The following ST6GALNAC3 variants were observed in gnomAD, a reference collection of about 807,000 sequenced individuals.
The protein encoded by ST6GALNAC3 is ST6 N-acetylgalactosaminide alpha-2,6-sialyltransferase 3.
A neutral mutation model predicts 32.7 loss-of-function variants in ST6GALNAC3; 25 were observed. The observed-to-expected ratio is 0.76, with a 90% CI of 0.56 to 1.07. The LOEUF is 1.07. Ranked by LOEUF, ST6GALNAC3 falls within the 50% of genes least tolerant of loss-of-function variation. ST6GALNAC3 has a pLI of 0.00. For synonymous variants in ST6GALNAC3, 129 were observed against 133.1 expected, an observed-to-expected ratio of 0.97 and a Z score of 0.21; for missense variants, 355 against 382.4, an observed-to-expected ratio of 0.93 and a Z score of 0.60.
At chr1:76,183,894 T>C (rs1381915778) in intron 1 of ST6GALNAC3, among the ~76,000 whole-genome samples, 1 of 121,990 alleles carries the variant, frequency 8.2e-6, no homozygotes, top group Non-Finnish European at 1.7e-5. Context: ...GAATATGTTA[T>C]ATATTTGTTA....
rs1231883460 is a variant in ST6GALNAC3, at chr1:76,630,968, CTTAAT to C, written c.*2166_*2170del. 6.1e-6 allele frequency: 6 copies of C among 985,550 alleles called. No homozygotes were observed. The highest frequency in any genetic ancestry group is 7.2e-6 in the Non-Finnish European group (6 of 829,792). The allele number at this position is 985,550 out of a possible 1,614,324, so 61.1% of individuals were successfully genotyped here. A position where few individuals can be genotyped will look rare whatever the true frequency, so the allele number is the denominator to read the frequency against. On this transcript the variant is annotated 3_prime_UTR_variant, in exon 5 of 5. Transcript: ENST00000328299. ...TAATCAGAATGGCTTGGGACATGAA[CTTAAT>C]TTATTTAGTTTTCTAATAAATGAAG...
chr1:76,216,381 T>G (rs1452920114), intron 1 of ST6GALNAC3, among the ~76,000 whole-genome samples: 1 of 152,224 alleles, frequency 6.6e-6, no homozygotes. Context: ...TTTGCCAATG[T>G]ATCCCCAGGG....
At chr1:76,385,002 G>A (rs529602966) in intron 2 of ST6GALNAC3, among the ~76,000 whole-genome samples, 20 of 152,218 alleles carry the variant, frequency 1.3e-4, no homozygotes, top group African/African-American at 4.6e-4. Context: ...CAGATGCAGA[G>A]AATGCATACC....
At chr1:76,544,167 T>C (rs1307525357) in intron 3 of ST6GALNAC3, among the ~76,000 whole-genome samples, 1 of 151,932 alleles carries the variant, frequency 6.6e-6, no homozygotes. Context: ...TGTAATATCA[T>C]ATATTAATTT....
chr1:76,493,420 A>G (rs1384779409), intron 3 of ST6GALNAC3, among the ~76,000 whole-genome samples: 1 of 152,194 alleles, frequency 6.6e-6, no homozygotes, highest in Non-Finnish European at 1.5e-5. Context: ...CAATAGCTAC[A>G]GCTATAATAC....
chr1:76,213,536 G>A (rs1655285028), intron 1 of ST6GALNAC3, among the ~76,000 whole-genome samples: 1 of 152,130 alleles, frequency 6.6e-6, no homozygotes, highest in South Asian at 2.1e-4. Context: ...TGACCTGAAA[G>A]CAACAAATAC....
At chr1:76,276,671 T>A (rs1659151202) in intron 1 of ST6GALNAC3, among the ~76,000 whole-genome samples, 1 of 152,172 alleles carries the variant, frequency 6.6e-6, no homozygotes. Flanking sequence ...TGCCCAAATG[T>A]ACATACATAT....
intron 2 of ST6GALNAC3, among the ~76,000 whole-genome samples, chr1:76,410,534 G>A (rs1221362927): frequency 6.6e-6 from 1 of 151,914 alleles, no homozygotes; most frequent in Non-Finnish European, 1.5e-5. Flanking sequence ...ATATTATATG[G>A]GATGATAGTT....
intron 2 of ST6GALNAC3, among the ~76,000 whole-genome samples, chr1:76,326,525 T>C (rs953907472): frequency 1.3e-5 from 2 of 152,214 alleles, no homozygotes; most frequent in African/African-American, 4.8e-5. Flanking sequence ...AAACAGACAC[T>C]ATTAGAACAA....
chr1:76,379,712 G>A (rs1651553166), intron 2 of ST6GALNAC3, among the ~76,000 whole-genome samples: 1 of 152,206 alleles, frequency 6.6e-6, no homozygotes, highest in African/African-American at 2.4e-5. Context: ...TGAGACCTGA[G>A]AGTGGCCTCC....
At chr1:76,353,270 T>C (rs1649150797) in intron 2 of ST6GALNAC3, among the ~76,000 whole-genome samples, 1 of 152,146 alleles carries the variant, frequency 6.6e-6, no homozygotes, top group African/African-American at 2.4e-5. Context: ...CCCTGTACGT[T>C]CTTCGGGCCC....
intron 3 of ST6GALNAC3, among the ~76,000 whole-genome samples, chr1:76,617,320 G>A (rs961508804): frequency 2.0e-5 from 3 of 151,732 alleles, no homozygotes; most frequent in Non-Finnish European, 4.4e-5. Flanking sequence ...GTCAGGAAAA[G>A]TTCTTTTATC....
intron 1 of ST6GALNAC3, among the ~76,000 whole-genome samples, chr1:76,102,381 GT>G (rs569130976): frequency 1.3e-5 from 2 of 151,938 alleles, no homozygotes; most frequent in Admixed American, 1.3e-4. Context: ...GCAGCATTGA[GT>G]TTTCCTACTT....
chr1:76,432,922 C>T (rs555192265), intron 3 of ST6GALNAC3, among the ~76,000 whole-genome samples: 2 of 152,216 alleles, frequency 1.3e-5, no homozygotes, highest in South Asian at 2.1e-4. Flanking sequence ...CTTCTACAGG[C>T]GGTTTTGAGG....
chr1:76,561,241 T>A (rs1412830558), intron 3 of ST6GALNAC3, among the ~76,000 whole-genome samples: 3 of 152,052 alleles, frequency 2.0e-5, no homozygotes, highest in African/African-American at 4.8e-5. Flanking sequence ...TGGGGATGTT[T>A]AACGGGTACA....
intron 1 of ST6GALNAC3, among the ~76,000 whole-genome samples, chr1:76,180,559 C>T (rs1418704584): frequency 6.6e-6 from 1 of 152,118 alleles, no homozygotes; most frequent in Non-Finnish European, 1.5e-5. Context: ...ACCATGCCCC[C>T]TATCCTATAC....
At chr1:76,148,059 T>TA (rs1272365602) in intron 1 of ST6GALNAC3, among the ~76,000 whole-genome samples, 1 of 152,206 alleles carries the variant, frequency 6.6e-6, no homozygotes, top group Non-Finnish European at 1.5e-5. Flanking sequence ...GTTTGCCTCT[T>TA]ACATCACTGT....
At chr1:76,149,518 G>A (rs867902235) in intron 1 of ST6GALNAC3, among the ~76,000 whole-genome samples, 3 of 152,090 alleles carry the variant, frequency 2.0e-5, no homozygotes, top group Admixed American at 1.3e-4. Context: ...TATTTCTGGT[G>A]TACAACATGA....
At chr1:76,147,274 G>A (rs1188134327) in intron 1 of ST6GALNAC3, among the ~76,000 whole-genome samples, 1 of 151,974 alleles carries the variant, frequency 6.6e-6, no homozygotes, top group Non-Finnish European at 1.5e-5. Context: ...TGTTGGCCAG[G>A]CTGGTCTCGA....
Sources: gnomAD v4.1 joint callset for allele counts (sites outside exome capture counted in the v4.1 genomes callset) on GRCh38, gnomAD v4.1.1 for gene constraint, MANE v1.5 for transcripts, NCBI Gene and HGNC (gene_info 2026-07-23, HGNC 2026-07-21) for gene names.